Variants in ANKRD6 observed in about 807,000 individuals in gnomAD.
ANKRD6 encodes ankyrin repeat domain-containing protein 6.
A neutral mutation model predicts 82.3 loss-of-function variants in ANKRD6; 56 were observed. That is an observed-to-expected ratio of 0.68 (90% CI 0.55 to 0.85). The LOEUF (loss-of-function observed/expected upper bound fraction) is 0.85, where lower values mean the gene tolerates loss of function less well. Among genes scored for constraint, ANKRD6 ranks in the 40% least tolerant of loss-of-function variants. The pLI, the probability that ANKRD6 is intolerant of heterozygous loss-of-function variation, is 0.00. For synonymous variants in ANKRD6, 347 were observed against 352.1 expected (o/e 0.99, Z 0.16); for missense variants, 852 against 907.6 (o/e 0.94, Z 0.79).
chr6:89,464,868 G>C (rs1279075421), intron 1 of ANKRD6, among the ~76,000 whole-genome samples: 2 of 152,188 alleles, frequency 1.3e-5, no homozygotes, highest in Non-Finnish European at 2.9e-5. Flanking sequence ...TGCGGCATAA[G>C]ATTTCAATAA....
At chr6:89,620,044 G>T (rs1802625048) in intron 9 of ANKRD6, 1 of 152,174 alleles carries the variant, frequency 6.6e-6, no homozygotes, top group Admixed American at 6.5e-5. Context: ...TAGAGACGAG[G>T]TTTCACCATG....
rs560465340 is a variant in ANKRD6 at position 89,472,947 on chromosome 6, A to G, written c.-144+39572A>G. Reference sequence around the variant, plus strand: ...GTGGACTACTTATACTTTTTATTTAATAGAGTTTCTTTAAATCGGAGATTA... The same window carrying G: ...GTGGACTACTTATACTTTTTATTTAGTAGAGTTTCTTTAAATCGGAGATTA... On this transcript the variant is annotated intron_variant, in intron 1 of 15. Coordinates refer to ENST00000339746, the MANE Select transcript of ANKRD6 (RefSeq NM_001242809.2). Among the ~76,000 whole-genome samples, 57 of 152,220 alleles carry G rather than the reference A, an allele frequency of 3.7e-4. No homozygotes were observed. In the South Asian group the frequency reaches 0.011, roughly 30 times the overall value.
chr6:89,608,715 G>A (rs577978144), intron 5 of ANKRD6, among the ~76,000 whole-genome samples: 5 of 152,050 alleles, frequency 3.3e-5, no homozygotes, highest in South Asian at 2.1e-4. Flanking sequence ...ATTTTCATCC[G>A]TCTCCCCTCT....
chr6:89,442,590 C>CT (rs796430234), intron 1 of ANKRD6, among the ~76,000 whole-genome samples: 22 of 146,718 alleles, frequency 1.5e-4, no homozygotes, highest in African/African-American at 5.6e-4. Context: ...CACCACTGCA[C>CT]TCCAACAGAG....
chr6:89,495,148 G>A (rs1778449551), intron 1 of ANKRD6, among the ~76,000 whole-genome samples: 1 of 152,198 alleles, frequency 6.6e-6, no homozygotes, highest in Admixed American at 6.5e-5. Flanking sequence ...GCAGGAGAAG[G>A]CATGAACCCG....
At chr6:89,525,876 G>C (rs1782436346) in intron 1 of ANKRD6, among the ~76,000 whole-genome samples, 1 of 152,224 alleles carries the variant, frequency 6.6e-6, no homozygotes, top group Non-Finnish European at 1.5e-5. Context: ...GTCTGCAGTT[G>C]CTTATCAGGA....
At chr6:89,550,736 A>ACTTAAGG (rs1015471509) in intron 1 of ANKRD6, among the ~76,000 whole-genome samples, 2 of 152,134 alleles carry the variant, frequency 1.3e-5, no homozygotes, top group African/African-American at 4.8e-5. Flanking sequence ...AGGGGTGATC[A>ACTTAAGG]CTTAAGGTCA....
At chr6:89,547,842 A>G (rs752667946) in intron 1 of ANKRD6, among the ~76,000 whole-genome samples, 1 of 152,152 alleles carries the variant, frequency 6.6e-6, no homozygotes, top group Non-Finnish European at 1.5e-5. Context: ...TATGTTCATC[A>G]CTGTGGCAAA....
intron 1 of ANKRD6, among the ~76,000 whole-genome samples, chr6:89,550,404 T>A (rs1255688577): frequency 1.3e-5 from 2 of 152,098 alleles, no homozygotes; most frequent in Non-Finnish European, 2.9e-5. Context: ...AAATAAAATC[T>A]TGAGTGAAAG....
intron 1 of ANKRD6, among the ~76,000 whole-genome samples, chr6:89,509,715 TC>T (rs1432357015): frequency 3.3e-5 from 5 of 152,216 alleles, no homozygotes; most frequent in African/African-American, 1.2e-4. Context: ...ATAGAAATCG[TC>T]ATTTAATCTT....
intron 1 of ANKRD6, among the ~76,000 whole-genome samples, chr6:89,472,995 C>G (rs1412397708): frequency 6.6e-6 from 1 of 152,054 alleles, no homozygotes; most frequent in African/African-American, 2.4e-5. Flanking sequence ...TCCCTAATCT[C>G]GCATCCCAAA....
chr6:89,616,844 G>C, intron 8 of ANKRD6, 187 bp downstream of exon 8: 2 of 699,286 alleles, frequency 2.9e-6, no homozygotes, highest in Non-Finnish European at 5.2e-6. Context: ...GCAGCCCCAG[G>C]AGTTGACAAG....
intron 1 of ANKRD6, among the ~76,000 whole-genome samples, chr6:89,447,393 G>A (rs76145527): frequency 0.01 from 1,540 of 152,296 alleles, 29 homozygotes; most frequent in African/African-American, 0.034. Flanking sequence ...TAAAGCCAAG[G>A]CCTAACCCAG....
intron 1 of ANKRD6, among the ~76,000 whole-genome samples, chr6:89,496,519 A>T (rs183861359): frequency 6.6e-6 from 1 of 151,982 alleles, no homozygotes; most frequent in East Asian, 1.9e-4. Flanking sequence ...AAAATTAATT[A>T]ATTAATTTAT....
intron 1 of ANKRD6, among the ~76,000 whole-genome samples, chr6:89,463,631 C>A (rs1394270046): frequency 1.3e-5 from 2 of 152,128 alleles, no homozygotes; most frequent in Admixed American, 6.6e-5. Flanking sequence ...CCACTGCAAC[C>A]TCCGCCTCCT....
chr6:89,590,022 C>T (rs1451578783), intron 2 of ANKRD6, among the ~76,000 whole-genome samples: 2 of 152,196 alleles, frequency 1.3e-5, no homozygotes, highest in Non-Finnish European at 2.9e-5. Flanking sequence ...TGGTGATAAC[C>T]TCCAGCCACA....
At position 89,633,334 on chromosome 6, in the gene ANKRD6, T is replaced by C. The variant is rs951649825; in HGVS notation, c.*2330T>C. The stretch of plus-strand genomic sequence containing the variant: ...TTCAGCAAATGTTGTTTCATCTGTT[T>C]TTGATCCTTGGCATTGTCAAAAACT... On this transcript the variant is annotated 3_prime_UTR_variant, in exon 16 of 16. Coordinates refer to ENST00000339746, the MANE Select transcript of ANKRD6 (RefSeq NM_001242809.2). 1 of 152,278 alleles carries C rather than the reference T, an allele frequency of 6.6e-6. No homozygotes were observed. Among genetic ancestry groups the C allele is most frequent in the African/African-American group, 2.4e-5 (1 of 41,474 alleles). 9.4% of individuals were successfully genotyped at this position (152,278 alleles called of 1,614,324 possible). A position where few individuals can be genotyped will look rare whatever the true frequency, so the allele number is the denominator to read the frequency against.
chr6:89,588,979 AG>A (rs1794333173), intron 2 of ANKRD6, among the ~76,000 whole-genome samples: 2 of 131,022 alleles, frequency 1.5e-5, no homozygotes, highest in South Asian at 5.2e-4. Context: ...GGTGAGACAG[AG>A]CGAGACTCTG....
At chr6:89,469,178 A>G (rs1775176875) in intron 1 of ANKRD6, among the ~76,000 whole-genome samples, 1 of 152,190 alleles carries the variant, frequency 6.6e-6, no homozygotes, top group African/African-American at 2.4e-5. Flanking sequence ...AATCAACTCA[A>G]TCTTGTCTAG....
Sources: gnomAD v4.1 joint callset for allele counts (sites outside exome capture counted in the v4.1 genomes callset) on GRCh38, gnomAD v4.1.1 for gene constraint, MANE v1.5 for transcripts, NCBI Gene and HGNC (gene_info 2026-07-23, HGNC 2026-07-21) for gene names.